C6: variants seen among roughly 807,000 people sequenced by gnomAD.
C6 encodes complement component C6.
In C6, 101 loss-of-function variants were observed where a neutral mutation model predicts 112.9. The ratio of observed to expected loss-of-function variants is 0.89; its 90% CI spans 0.76 to 1.06. C6 has a LOEUF of 1.06. Ranked by LOEUF, C6 falls within the 50% of genes least tolerant of loss-of-function variation. C6 has a pLI of 0.00. For missense variants in C6, 1,202 were observed against 1,104.6 expected (o/e 1.09, Z -1.25); for synonymous variants, 431 against 384.1 (o/e 1.12, Z -1.43).
chr5:41,220,462 T>C (rs1193410842), intron 1 of C6, among the ~76,000 whole-genome samples: 1 of 152,168 alleles, frequency 6.6e-6, no homozygotes, highest in Non-Finnish European at 1.5e-5. Context: ...AACCATCCTG[T>C]TTTGCTTACT....
intron 14 of C6, 147 bp downstream of exon 14, chr5:41,154,825 T>C: frequency 1.2e-6 from 1 of 802,412 alleles, no homozygotes; most frequent in East Asian, 2.6e-5. Flanking sequence ...TGAGCCCTTC[T>C]ATTTATTTTC....
chr5:41,202,587 A>G (rs1312801183), intron 2 of C6, among the ~76,000 whole-genome samples: 1 of 152,210 alleles, frequency 6.6e-6, no homozygotes, highest in African/African-American at 2.4e-5. Flanking sequence ...ACAGAGTTAA[A>G]GAAACTGTGG....
intron 7 of C6, among the ~76,000 whole-genome samples, chr5:41,179,015 G>C (rs570203284): frequency 2.6e-5 from 4 of 151,948 alleles, no homozygotes; most frequent in African/African-American, 9.7e-5. Context: ...TGCCACGCCC[G>C]GCTAATTTTT....
chr5:41,258,973 C>T (rs1312042517), intron 1 of C6, among the ~76,000 whole-genome samples: 2 of 152,152 alleles, frequency 1.3e-5, no homozygotes, highest in Non-Finnish European at 2.9e-5. Flanking sequence ...GATTACAATT[C>T]AAGGTGAGAT....
chr5:41,227,568 G>A (rs147819081), intron 1 of C6, among the ~76,000 whole-genome samples: 440 of 152,006 alleles, frequency 2.9e-3, no homozygotes, highest in African/African-American at 9.9e-3. Context: ...GATTTCTTCC[G>A]GTAGTTTTAT....
chr5:41,218,126 G>A (rs1580215617), upstream of C6, among the ~76,000 whole-genome samples: 1 of 151,990 alleles, frequency 6.6e-6, no homozygotes, highest in Non-Finnish European at 1.5e-5. Context: ...GAATACTTTC[G>A]GTTAGTTCTT....
intron 1 of C6, among the ~76,000 whole-genome samples, chr5:41,231,891 G>GT (rs67401374): frequency 0.18 from 26,481 of 148,366 alleles, 2,801 homozygotes; most frequent in South Asian, 0.36. Context: ...CTTTAATACA[G>GT]TTTTTTTTTT....
intron 1 of C6, among the ~76,000 whole-genome samples, chr5:41,208,844 AG>A (rs1312158080): frequency 1.3e-5 from 2 of 152,110 alleles, no homozygotes; most frequent in African/African-American, 4.8e-5. Flanking sequence ...CAATAGAAAA[AG>A]AGGGAATCCT....
chr5:41,212,304 GC>G (rs1399987187), intron 1 of C6, among the ~76,000 whole-genome samples: 2 of 151,958 alleles, frequency 1.3e-5, no homozygotes, highest in Non-Finnish European at 2.9e-5. Context: ...GGGATTACAG[GC>G]CCCTGCCACC....
In C6 at chr5:41,178,466, C is replaced by CTTTTTTTTTTTTTTTTTTT. The variant is rs70988836; in HGVS notation, c.928-1770_928-1752dup. Among the ~76,000 whole-genome samples the CTTTTTTTTTTTTTTTTTTT allele has an allele frequency of 1.9e-3, 189 of 101,582 alleles. 1 individual carries two copies. The highest frequency in any genetic ancestry group is 2.5e-3 in the East Asian group (9 of 3,592). The allele number at this position is 101,582 out of a possible 152,430, so 66.6% of individuals were successfully genotyped here. A position where few individuals can be genotyped will look rare whatever the true frequency, so the allele number is the denominator to read the frequency against. ...TATTTTCTTTTTTCTTTTTCTTTTT[C>CTTTTTTTTTTTTTTTTTTT]TTTTTTTTTTTTTTTTTTTTGTGAG... On this transcript the variant is annotated intron_variant, in intron 7 of 17. Transcript: ENST00000337836.
At position 41,142,608 on chromosome 5, in the gene C6, T is replaced by G. The variant is rs922444529; in HGVS notation, c.*217A>C. On this transcript the variant is annotated 3_prime_UTR_variant, in exon 18 of 18. Transcript: ENST00000337836. The stretch of plus-strand genomic sequence containing the variant: ...CGAGACTGCTGTGGAAGTTGGTACC[T>G]AGGGGTATGCTACAGGGCGTCATGA... 1 of 582,546 alleles carries G rather than the reference T, an allele frequency of 1.7e-6. No homozygotes were observed. The highest frequency in any genetic ancestry group is 1.9e-5 in the African/African-American group (1 of 53,576). 36.1% of individuals were successfully genotyped at this position (582,546 alleles called of 1,614,324 possible). A position where few individuals can be genotyped will look rare whatever the true frequency, so the allele number is the denominator to read the frequency against.
At chr5:41,245,647 T>C (rs149025653) in intron 1 of C6, among the ~76,000 whole-genome samples, 1,827 of 152,340 alleles carry the variant, frequency 0.012, 41 homozygotes, top group African/African-American at 0.042. Flanking sequence ...CAATCAGTTA[T>C]TGAGTTCTAT....
chr5:41,250,713 G>A (rs576652202), intron 1 of C6, among the ~76,000 whole-genome samples: 2 of 152,272 alleles, frequency 1.3e-5, no homozygotes, highest in East Asian at 3.9e-4. Flanking sequence ...GAGCCCAGAT[G>A]ACCCCAGGTG....
intron 1 of C6, 137 bp from the exon 2 acceptor site, chr5:41,203,387 C>T: frequency 1.3e-6 from 1 of 790,556 alleles, no homozygotes; most frequent in Non-Finnish European, 2.1e-6. Flanking sequence ...AAGTCAACAC[C>T]TACAAATTCA....
chr5:41,154,900 A>G, intron 14 of C6, 72 bp downstream of exon 14: 1 of 1,469,428 alleles, frequency 6.8e-7, no homozygotes, highest in Non-Finnish European at 9.5e-7. Context: ...TAAGGATGTG[A>G]TTTTACTGTT....
rs1363371227 is a variant in C6 at position 41,209,629 on chromosome 5, G to T, written c.-21+3747C>A. On this transcript the variant is annotated intron_variant, in intron 1 of 17. Transcript: ENST00000337836. ...CTCCCATTCACAATTGCTTCAAAGA[G>T]AATGAAATACCTAGGAATCCAACTT... Among the ~76,000 whole-genome samples the T allele has an allele frequency of 2.0e-5, 3 of 152,126 alleles. No individual in the cohort carries two copies. The East Asian group carries it at 5.8e-4, about 29-fold the overall frequency.
chr5:41,155,256 C>T (rs909105389), intron 13 of C6, 152 bp from the exon 14 acceptor site: 41 of 705,912 alleles, frequency 5.8e-5, no homozygotes, highest in Non-Finnish European at 8.2e-5. Context: ...TGTTAAAGTT[C>T]TCTGCTTCCT....
At chr5:41,243,038 T>C (rs980884299) in intron 1 of C6, among the ~76,000 whole-genome samples, 1 of 152,122 alleles carries the variant, frequency 6.6e-6, no homozygotes, top group Non-Finnish European at 1.5e-5. Flanking sequence ...GTATACAACA[T>C]CTCAGATGGG....
chr5:41,261,005 T>C (rs928920568), intron 1 of C6, among the ~76,000 whole-genome samples: 8 of 152,154 alleles, frequency 5.3e-5, no homozygotes, highest in African/African-American at 1.9e-4. Context: ...ACAAAGACAT[T>C]GTCACACAGC....
Sources: gnomAD v4.1 joint callset for allele counts (sites outside exome capture counted in the v4.1 genomes callset) on GRCh38, gnomAD v4.1.1 for gene constraint, MANE v1.5 for transcripts, NCBI Gene and HGNC (gene_info 2026-07-23, HGNC 2026-07-21) for gene names.